SEMA5A: variants seen among roughly 807,000 people sequenced by gnomAD.
SEMA5A encodes semaphorin-5A.
A neutral mutation model predicts 135.5 loss-of-function variants in SEMA5A; 55 were observed. The observed-to-expected ratio is 0.41, with a 90% CI of 0.33 to 0.51. The LOEUF (loss-of-function observed/expected upper bound fraction) is 0.51, where lower values mean the gene tolerates loss of function less well. Among genes scored for constraint, SEMA5A ranks in the 20% least tolerant of loss-of-function variants. SEMA5A has a pLI of 0.37. For synonymous variants in SEMA5A, 580 were observed against 546.5 expected (o/e 1.06, Z -0.85); for missense variants, 1,290 against 1,419.9 (o/e 0.91, Z 1.47).
intron 3 of SEMA5A, among the ~76,000 whole-genome samples, chr5:9,343,160 C>A (rs1335315839): frequency 7.4e-6 from 1 of 135,138 alleles, no homozygotes; most frequent in Non-Finnish European, 1.6e-5. Context: ...TGTTTTTGCC[C>A]ATGTTAATAA....
intron 16 of SEMA5A, among the ~76,000 whole-genome samples, chr5:9,093,434 C>T (rs570743308): frequency 5.3e-5 from 8 of 152,290 alleles, no homozygotes; most frequent in Admixed American, 2.0e-4. Context: ...AATGGCCGGG[C>T]GTGGTAGCTC....
chr5:9,065,641 A>G (rs1296641589), intron 17 of SEMA5A, among the ~76,000 whole-genome samples: 1 of 152,204 alleles, frequency 6.6e-6, no homozygotes, highest in South Asian at 2.1e-4. Context: ...ATGAGTATCT[A>G]TTTCCTTTTC....
At chr5:9,088,387 G>A (rs1738829291) in intron 16 of SEMA5A, among the ~76,000 whole-genome samples, 1 of 150,362 alleles carries the variant, frequency 6.7e-6, no homozygotes, top group African/African-American at 2.4e-5. Flanking sequence ...TATAGAATAA[G>A]GGTAAGTGTT....
At chr5:9,152,997 G>A (rs964491158) in intron 12 of SEMA5A, among the ~76,000 whole-genome samples, 3 of 150,736 alleles carry the variant, frequency 2.0e-5, no homozygotes, top group Admixed American at 6.6e-5. Context: ...GAACCCAGGA[G>A]GTGGAGATTG....
intron 16 of SEMA5A, among the ~76,000 whole-genome samples, chr5:9,107,333 G>A (rs1358595416): frequency 1.3e-5 from 2 of 151,590 alleles, no homozygotes; most frequent in African/African-American, 4.9e-5. Context: ...ACAGTTTAAA[G>A]TGTTAAAAGA....
chr5:9,339,406 C>G (rs975891436), intron 3 of SEMA5A, among the ~76,000 whole-genome samples: 2 of 152,102 alleles, frequency 1.3e-5, no homozygotes, highest in Non-Finnish European at 2.9e-5. Flanking sequence ...GTGGCCATAA[C>G]TGGTATCACT....
At chr5:9,353,150 A>AGGAAAGGAAG (rs1754238809) in intron 3 of SEMA5A, among the ~76,000 whole-genome samples, 1 of 82,566 alleles carries the variant, frequency 1.2e-5, no homozygotes, top group Non-Finnish European at 2.5e-5. Flanking sequence ...AGGAAAGGAA[A>AGGAAAGGAAG]GGAAAGGAAA....
In SEMA5A at chr5:9,187,902, G is replaced by A. The variant is rs568707026; in HGVS notation, c.1273+2365C>T. Among the ~76,000 whole-genome samples the A allele has an allele frequency of 1.6e-4, 25 of 152,326 alleles. No homozygotes were observed. The South Asian group carries it at 5.2e-3, about 32-fold the overall frequency. ...CGGTGTGGGGGTGAGGGTGTTGGGA[G>A]CAGCAGTCCAATCATGCTATCATTC... On this transcript the variant is annotated intron_variant, in intron 11 of 22. Coordinates refer to ENST00000382496, the MANE Select transcript of SEMA5A (RefSeq NM_003966.3).
chr5:9,111,025 T>C (rs1260580598), intron 15 of SEMA5A, among the ~76,000 whole-genome samples: 1 of 152,196 alleles, frequency 6.6e-6, no homozygotes, highest in African/African-American at 2.4e-5. Context: ...TTCCAATAAG[T>C]AAAATTAATA....
At chr5:9,277,774 A>G (rs528005839) in intron 5 of SEMA5A, among the ~76,000 whole-genome samples, 2 of 152,142 alleles carry the variant, frequency 1.3e-5, no homozygotes, top group African/African-American at 2.4e-5. Flanking sequence ...ATGAGAACAC[A>G]TGGACACAGG....
At chr5:9,208,937 A>T (rs1026295308) in intron 8 of SEMA5A, among the ~76,000 whole-genome samples, 2 of 152,180 alleles carry the variant, frequency 1.3e-5, no homozygotes, top group Admixed American at 1.3e-4. Context: ...CTTGACAGAA[A>T]AAAGTTATTG....
chr5:9,176,212 C>T (rs1256111975), intron 11 of SEMA5A, among the ~76,000 whole-genome samples: 2 of 152,268 alleles, frequency 1.3e-5, no homozygotes, highest in East Asian at 3.9e-4. Flanking sequence ...AGAGGCTCTC[C>T]TTGCTGGTTG....
At chr5:9,059,740 A>C (rs921884140) in intron 18 of SEMA5A, among the ~76,000 whole-genome samples, 1 of 152,008 alleles carries the variant, frequency 6.6e-6, no homozygotes, top group Non-Finnish European at 1.5e-5. Context: ...AGTAGGAATA[A>C]GTTTTTACCA....
At chr5:9,435,321 T>C (rs1322336883) in intron 2 of SEMA5A, among the ~76,000 whole-genome samples, 1 of 152,178 alleles carries the variant, frequency 6.6e-6, no homozygotes, top group Non-Finnish European at 1.5e-5. Context: ...AAATACCATC[T>C]AAACTTATTT....
At chr5:9,356,729 G>A (rs1330947578) in intron 3 of SEMA5A, among the ~76,000 whole-genome samples, 6 of 152,164 alleles carry the variant, frequency 3.9e-5, no homozygotes, top group African/African-American at 1.4e-4. Context: ...GTGCAAAACA[G>A]ATACTGAAGT....
At chr5:9,358,391 G>A (rs989291555) in intron 3 of SEMA5A, among the ~76,000 whole-genome samples, 3 of 151,958 alleles carry the variant, frequency 2.0e-5, no homozygotes, top group Non-Finnish European at 2.9e-5. Flanking sequence ...GTGGTCTGAC[G>A]CCTGTCGTTC....
At chr5:9,299,998 A>G (rs866875029) in intron 5 of SEMA5A, among the ~76,000 whole-genome samples, 14 of 150,938 alleles carry the variant, frequency 9.3e-5, no homozygotes, top group African/African-American at 3.2e-4. Flanking sequence ...CACGAACAAA[A>G]AGAAAACTGA....
intron 5 of SEMA5A, among the ~76,000 whole-genome samples, chr5:9,273,622 T>A (rs189259962): frequency 1.3e-5 from 2 of 152,184 alleles, no homozygotes; most frequent in Admixed American, 6.5e-5. Flanking sequence ...GGGAATCCCA[T>A]CAGACTAACA....
At chr5:9,388,883 A>T (rs1453181955) in intron 2 of SEMA5A, among the ~76,000 whole-genome samples, 1 of 151,530 alleles carries the variant, frequency 6.6e-6, no homozygotes, top group Non-Finnish European at 1.5e-5. Flanking sequence ...TGGGTGACAC[A>T]GCGAGACTCC....
Sources: gnomAD v4.1 joint callset for allele counts (sites outside exome capture counted in the v4.1 genomes callset) on GRCh38, gnomAD v4.1.1 for gene constraint, MANE v1.5 for transcripts, NCBI Gene and HGNC (gene_info 2026-07-23, HGNC 2026-07-21) for gene names.